CEMIP2: variants seen among roughly 807,000 people sequenced by gnomAD.
CEMIP2 encodes cell migration inducing hyaluronidase 2, also known as cell surface hyaluronidase CEMIP2.
CEMIP2 carries 79 observed loss-of-function variants against 146.9 expected under a neutral mutation model. That is an observed-to-expected ratio of 0.54 (90% CI 0.45 to 0.65). The LOEUF (loss-of-function observed/expected upper bound fraction) is 0.65. CEMIP2 is among the 30% of genes least tolerant of loss of function. The pLI, the probability that CEMIP2 is intolerant of heterozygous loss-of-function variation, is 0.00. For missense variants in CEMIP2, 1,596 were observed against 1,696.2 expected (o/e 0.94, Z 1.04); for synonymous variants, 601 against 606.3 (o/e 0.99, Z 0.13).
intron 19 of CEMIP2, 171 bp from the exon 20 acceptor site, chr9:71,698,375 TC>T (rs1822461550): frequency 1.6e-6 from 1 of 612,420 alleles, no homozygotes; most frequent in African/African-American, 1.8e-5. Flanking sequence ...CCTTCAAGGG[TC>T]CTAAGTCAAA....
chr9:71,728,301 A>ATG (rs1564012709), intron 10 of CEMIP2, among the ~76,000 whole-genome samples: 1 of 34,436 alleles, frequency 2.9e-5, no homozygotes, highest in African/African-American at 1.1e-4. Flanking sequence ...ATATATATAT[A>ATG]CATATATATA....
chr9:71,740,137 G>A lies in CEMIP2; in HGVS notation c.1130C>T (p.Ala377Val), dbSNP rs1823872836. Residue 377 changes from alanine (A) to valine (V), a missense_variant, in exon 5 of 24, where the codon GCT becomes GTT. Ala to Val is a moderately conservative substitution (Grantham distance 64). Transcript: ENST00000377044. The part of the protein sequence containing the change: ...NYENHSSGGK[A>V]LAQREFYTVD... ...AGTATAAAATTCTCTTTGGGCAAGA[G>A]CCTTCCCGCCACTGCTATGATTTTC... The A allele has an allele frequency of 6.2e-7, 1 of 1,613,888 alleles. No individual in the cohort carries two copies. The highest frequency in any genetic ancestry group is 8.5e-7 in the Non-Finnish European group (1 of 1,180,008).
intron 19 of CEMIP2, 28 bp downstream of exon 19, chr9:71,700,614 T>C (rs1197592756): frequency 6.5e-7 from 1 of 1,546,832 alleles, no homozygotes; most frequent in African/African-American, 1.4e-5. Flanking sequence ...ATAGGAATAA[T>C]TCTCATTCCC....
intron 1 of CEMIP2, among the ~76,000 whole-genome samples, chr9:71,755,528 A>G (rs2132031050): frequency 6.6e-6 from 1 of 152,202 alleles, no homozygotes; most frequent in East Asian, 1.9e-4. Context: ...AGCTTGGGTG[A>G]CAGAGTAAGA....
At chr9:71,764,764 C>T (rs953014196) in intron 1 of CEMIP2, among the ~76,000 whole-genome samples, 5 of 152,090 alleles carry the variant, frequency 3.3e-5, no homozygotes, top group East Asian at 3.8e-4. Context: ...AGAACTAAAG[C>T]GAGTATTGCT....
At chr9:71,708,358 C>T (rs1192687554) in intron 17 of CEMIP2, among the ~76,000 whole-genome samples, 1 of 152,192 alleles carries the variant, frequency 6.6e-6, no homozygotes, top group African/African-American at 2.4e-5. Flanking sequence ...TACAGCTCTT[C>T]TCCTTAAATA....
chr9:71,739,586 C>T (rs1239076666), intron 5 of CEMIP2, among the ~76,000 whole-genome samples: 2 of 151,450 alleles, frequency 1.3e-5, no homozygotes, highest in Non-Finnish European at 2.9e-5. Flanking sequence ...CATCTCTTCA[C>T]GCCAAGCCCA....
intron 1 of CEMIP2, among the ~76,000 whole-genome samples, chr9:71,763,170 T>G (rs1824688111): frequency 6.6e-6 from 1 of 152,148 alleles, no homozygotes; most frequent in African/African-American, 2.4e-5. Context: ...CCTAAAATGT[T>G]AATAATTAAC....
In CEMIP2 at chr9:71,729,870, AT is replaced by A. The variant is rs765221872; in HGVS notation, c.2023del (p.Ile675LeufsTer99). ...CTGTGAGCCTGCAGCTGCATTATTA[AT>A]CAGATTATTGTTGGGATGAGCAATC... ...FWIAHPNNNL[I>X]NNAAAGSQDA... On this transcript the variant is annotated frameshift_variant, in exon 10 of 24. Transcript: ENST00000377044. LOFTEE classifies it high-confidence loss of function. The A allele has an allele frequency of 6.2e-7, 1 of 1,614,196 alleles. No individual in the cohort carries two copies. Among genetic ancestry groups the A allele is most frequent in the East Asian group, 2.2e-5 (1 of 44,882 alleles).
chr9:71,748,408 A>G (rs1824148997), intron 2 of CEMIP2, among the ~76,000 whole-genome samples: 1 of 152,330 alleles, frequency 6.6e-6, no homozygotes, highest in African/African-American at 2.4e-5. Flanking sequence ...GAAATATTTC[A>G]GCATACCAGA....
chr9:71,751,034 C>T (rs1564025334), intron 1 of CEMIP2, among the ~76,000 whole-genome samples: 1 of 152,120 alleles, frequency 6.6e-6, no homozygotes, highest in Non-Finnish European at 1.5e-5. Context: ...GGCGTGAGCC[C>T]CAGTATCCAG....
rs572444935 is a variant in CEMIP2 at position 71,747,143 on chromosome 9, G to A, written c.332-802C>T. Among the ~76,000 whole-genome samples the A allele has an allele frequency of 2.0e-5, 3 of 152,118 alleles. No homozygotes were observed. In the East Asian group the frequency reaches 5.8e-4, roughly 29 times the overall value. ...CTATTTAATGTATGAAAACTTTAAG[G>A]TCCGCCATAATTTTGAAGAGGGGAG... On this transcript the variant is annotated intron_variant, in intron 2 of 23. Transcript: ENST00000377044.
At chr9:71,725,515 AATCACAATAGTTC>A (rs1362400026) in intron 11 of CEMIP2, 53 bp downstream of exon 11, 30 of 1,513,302 alleles carry the variant, frequency 2.0e-5, no homozygotes, top group African/African-American at 4.2e-5. Context: ...ACTAAAATAT[AATCACAATAGTTC>A]ATCCTTTACA....
rs760965372 is a variant in CEMIP2, at chr9:71,714,977, T to C, written c.2548A>G (p.Thr850Ala). Residue 850 changes from threonine (T) to alanine (A), a missense_variant, in exon 15 of 24, where the codon ACT becomes GCT. Transcript: ENST00000377044. Reference sequence around the variant, plus strand: ...CGAGGCTTCTGGTCTATTCCTCCAGTGCCTACATACTTGTTCTGACCACCC... The same window carrying C: ...CGAGGCTTCTGGTCTATTCCTCCAGCGCCTACATACTTGTTCTGACCACCC... ...FQGGQNKYVGTGGIDQKPRTL... is the reference protein window; with the variant it reads ...FQGGQNKYVGAGGIDQKPRTL... The C allele has an allele frequency of 6.2e-7, 1 of 1,614,012 alleles. No homozygotes were observed. Among genetic ancestry groups the C allele is most frequent in the Non-Finnish European group, 8.5e-7 (1 of 1,179,936 alleles).
intron 20 of CEMIP2, among the ~76,000 whole-genome samples, chr9:71,696,685 C>T (rs1191160705): frequency 3.9e-5 from 6 of 152,104 alleles, no homozygotes; most frequent in African/African-American, 1.4e-4. Flanking sequence ...GGAGGAGAAT[C>T]CCTTGAACCC....
rs1424432147 is a variant in CEMIP2 at position 71,684,593 on chromosome 9, A to C, written c.*604T>G. 4 of 152,620 alleles carry C rather than the reference A, an allele frequency of 2.6e-5. No homozygotes were observed. Among genetic ancestry groups the C allele is most frequent in the African/African-American group, 9.7e-5 (4 of 41,432 alleles). The allele number at this position is 152,620 out of a possible 1,614,324, so 9.5% of individuals were successfully genotyped here. On this transcript the variant is annotated 3_prime_UTR_variant, in exon 24 of 24. Transcript: ENST00000377044. The stretch of plus-strand genomic sequence containing the variant: ...TTTGTCCCAATATACTTCCTGTTTG[A>C]AAGTTTAACCCTTACAAGTAATTGA...
Position 71,732,372 on chromosome 9 carries a change from A to G in CEMIP2, c.1542T>C (p.Asp514=). The change falls in exon 7 of 24, where the codon GAT becomes GAC. Residue 514 remains aspartate (D), a synonymous_variant. Coordinates refer to ENST00000377044, the MANE Select transcript of CEMIP2 (RefSeq NM_013390.3). ...CTACCATAATGTGTCCCCCAAAGGT[A>G]TCATAATCAAAAAATTGGCACTGAT... is the stretch of plus-strand genomic sequence containing the variant. ...AENQCQFFDY[D]TFGGHIMIMK... 1 of 1,612,622 alleles carries G rather than the reference A, an allele frequency of 6.2e-7. No individual in the cohort carries two copies. The highest frequency in any genetic ancestry group is 8.5e-7 in the Non-Finnish European group (1 of 1,179,610).
At chr9:71,698,540 T>A (rs1163744468) in intron 19 of CEMIP2, among the ~76,000 whole-genome samples, 1 of 152,208 alleles carries the variant, frequency 6.6e-6, no homozygotes, top group East Asian at 1.9e-4. Context: ...ATACATAATG[T>A]GTTGAGTTTA....
chr9:71,717,327 T>C (rs1241969927), intron 13 of CEMIP2, among the ~76,000 whole-genome samples: 1 of 152,134 alleles, frequency 6.6e-6, no homozygotes, highest in Non-Finnish European at 1.5e-5. Context: ...TTCAACACAG[T>C]ATCAGTTTTT....
Sources: allele counts gnomAD v4.1 joint callset (sites outside exome capture counted in the v4.1 genomes callset), GRCh38; gene constraint gnomAD v4.1.1; transcripts MANE v1.5; gene names NCBI Gene and HGNC (gene_info 2026-07-23, HGNC 2026-07-21).